VAC14: variants seen among roughly 807,000 people sequenced by gnomAD.
VAC14 encodes protein VAC14 homolog.
VAC14 carries 47 observed loss-of-function variants against 85.3 expected under a neutral mutation model. The observed-to-expected ratio is 0.55, with a 90% CI of 0.44 to 0.70. VAC14 has a LOEUF of 0.70. Among genes scored for constraint, VAC14 ranks in the 30% least tolerant of loss-of-function variants. The pLI, the probability that VAC14 is intolerant of heterozygous loss-of-function variation, is 0.00. For missense variants in VAC14, 861 were observed against 1,004.3 expected, an observed-to-expected ratio of 0.86 and a Z score of 1.93; for synonymous variants, 447 against 430.5, an observed-to-expected ratio of 1.04 and a Z score of -0.47.
At chr16:70,791,473 C>T (rs2143321380) in intron 1 of VAC14, among the ~76,000 whole-genome samples, 1 of 152,250 alleles carries the variant, frequency 6.6e-6, no homozygotes, top group South Asian at 2.1e-4. Flanking sequence ...CAGCCTCTGC[C>T]TCTCAGGTTC....
At chr16:70,721,759 G>A (rs565333719) in intron 14 of VAC14, among the ~76,000 whole-genome samples, 1 of 152,194 alleles carries the variant, frequency 6.6e-6, no homozygotes, top group Non-Finnish European at 1.5e-5. Context: ...GCTGCGGATT[G>A]CGGGCTGGCG....
At position 70,786,090 on chromosome 16, in the gene VAC14, G is replaced by C. The variant is rs1319909383; in HGVS notation, c.255+125C>G. 6.1e-6 allele frequency: 9 copies of C among 1,478,138 alleles called. No individual in the cohort carries two copies. The East Asian group carries it at 2.1e-4, about 34-fold the overall frequency. The allele number at this position is 1,478,138 out of a possible 1,614,324, so 91.6% of individuals were successfully genotyped here. On this transcript the variant is annotated intron_variant, in intron 2 of 18. Coordinates refer to ENST00000261776, the MANE Select transcript of VAC14 (RefSeq NM_018052.5). ...GCCAGCCTTGCTGGTCTCAGGTGCG[G>C]ACAGAGTGGTAATAAAACATAGGTC...
At chr16:70,730,242 C>T (rs968327079) in intron 14 of VAC14, among the ~76,000 whole-genome samples, 1 of 151,952 alleles carries the variant, frequency 6.6e-6, no homozygotes, top group Non-Finnish European at 1.5e-5. Context: ...CCACCTCAGC[C>T]CCTCCAACCC....
intron 12 of VAC14, among the ~76,000 whole-genome samples, chr16:70,758,577 C>G (rs527412095): frequency 1.3e-5 from 2 of 152,316 alleles, no homozygotes; most frequent in African/African-American, 4.8e-5. Context: ...GGAGAGGGCC[C>G]CCATCCCGTG....
chr16:70,761,416 C>A (rs1297969574), intron 12 of VAC14, among the ~76,000 whole-genome samples: 2 of 152,370 alleles, frequency 1.3e-5, no homozygotes, highest in South Asian at 4.1e-4. Flanking sequence ...TGGGCTGAGG[C>A]TCAGCTTGGA....
chr16:70,719,619 A>T (rs1391888785), intron 14 of VAC14, among the ~76,000 whole-genome samples: 1 of 152,242 alleles, frequency 6.6e-6, no homozygotes, highest in Non-Finnish European at 1.5e-5. Flanking sequence ...AGCTATGAAA[A>T]GTTGTTCAAC....
At chr16:70,689,777 TG>T (rs1364516381) in intron 18 of VAC14, 2 of 985,408 alleles carry the variant, frequency 2.0e-6, no homozygotes, top group African/African-American at 3.5e-5. Flanking sequence ...CTGTGGGCAG[TG>T]TTCTAGGCTG....
intron 12 of VAC14, chr16:70,744,942 T>C: frequency 4.9e-6 from 1 of 206,072 alleles, no homozygotes; most frequent in Non-Finnish European, 9.8e-6. Flanking sequence ...CAGTGTGCAC[T>C]TCAAGGCCCG....
chr16:70,731,008 G>A (rs2054574728), intron 14 of VAC14, among the ~76,000 whole-genome samples: 1 of 152,224 alleles, frequency 6.6e-6, no homozygotes, highest in Non-Finnish European at 1.5e-5. Flanking sequence ...CCCCAGCCAT[G>A]CTGCTGGTGA....
chr16:70,692,672 G>C (rs1053122825), intron 18 of VAC14, 149 bp downstream of exon 18: 2 of 1,007,512 alleles, frequency 2.0e-6, no homozygotes, highest in Admixed American at 2.9e-5. Flanking sequence ...AAGTGGCTGC[G>C]GGGGGGATGG....
chr16:70,727,862 C>G (rs73577132), intron 14 of VAC14, among the ~76,000 whole-genome samples: 2,838 of 152,320 alleles, frequency 0.019, 89 homozygotes, highest in African/African-American at 0.064. Flanking sequence ...AACCCTGGAG[C>G]TGGTTGACAA....
chr16:70,721,275 G>A (rs866539766), intron 14 of VAC14, among the ~76,000 whole-genome samples: 1 of 152,180 alleles, frequency 6.6e-6, no homozygotes, highest in Admixed American at 6.5e-5. Flanking sequence ...CTCTGCCTGA[G>A]TGGGTGGAGT....
chr16:70,705,391 G>T (rs1008894429), intron 14 of VAC14, among the ~76,000 whole-genome samples: 2 of 152,268 alleles, frequency 1.3e-5, no homozygotes, highest in African/African-American at 4.8e-5. Flanking sequence ...CTTGGTGGAC[G>T]CAGCCTGCCT....
In VAC14 at chr16:70,774,066, T is replaced by C. The variant is rs369186801; in HGVS notation, c.1097-1894A>G. Among the ~76,000 whole-genome samples, 15 of 152,184 alleles carry C rather than the reference T, an allele frequency of 9.9e-5. No homozygotes were observed. In the East Asian group the frequency reaches 1.9e-3, roughly 20 times the overall value. ...CTGGGATTACAGGCGTGAGCCACCA[T>C]GCCCGGCTCCATAGTTCAATGATCA... On this transcript the variant is annotated intron_variant, in intron 9 of 18. Transcript: ENST00000261776.
intron 12 of VAC14, among the ~76,000 whole-genome samples, chr16:70,752,782 G>A (rs1272070250): frequency 3.3e-5 from 5 of 152,202 alleles, no homozygotes; most frequent in Non-Finnish European, 7.3e-5. Context: ...CCCAGATGTG[G>A]GGCACGTCCA....
At chr16:70,718,153 T>C (rs2054207184) in intron 14 of VAC14, among the ~76,000 whole-genome samples, 1 of 152,228 alleles carries the variant, frequency 6.6e-6, no homozygotes, top group African/African-American at 2.4e-5. Context: ...TTGCTTCTGG[T>C]ACTGAGTGCA....
At chr16:70,733,261 G>A (rs1323870867) in intron 13 of VAC14, among the ~76,000 whole-genome samples, 3 of 152,032 alleles carry the variant, frequency 2.0e-5, no homozygotes, top group South Asian at 2.1e-4. Flanking sequence ...CACTCAGCAC[G>A]TTTTCAAGGT....
At chr16:70,712,910 C>T (rs1326013241) in intron 14 of VAC14, among the ~76,000 whole-genome samples, 1 of 152,156 alleles carries the variant, frequency 6.6e-6, no homozygotes, top group African/African-American at 2.4e-5. Context: ...GAAGGTGCTA[C>T]CTCCCCAGGG....
At chr16:70,691,672 G>C (rs1048711717) in intron 18 of VAC14, 7 of 985,342 alleles carry the variant, frequency 7.1e-6, no homozygotes, top group Non-Finnish European at 7.2e-6. Flanking sequence ...TGGGGAAATG[G>C]GGCAGGGAAG....
Sources: gnomAD v4.1 joint callset for allele counts (sites outside exome capture counted in the v4.1 genomes callset) on GRCh38, gnomAD v4.1.1 for gene constraint, MANE v1.5 for transcripts, NCBI Gene and HGNC (gene_info 2026-07-23, HGNC 2026-07-21) for gene names.